Variants in LIN7A observed in about 807,000 individuals in gnomAD.
LIN7A encodes the protein protein lin-7 homolog A.
Under a neutral mutation model 29.8 loss-of-function variants are expected in LIN7A, and 25 were observed. The observed-to-expected ratio is 0.84, with a 90% CI of 0.61 to 1.17. The LOEUF (loss-of-function observed/expected upper bound fraction) is 1.17. Ranked by LOEUF, LIN7A falls within the 50% of genes most tolerant of loss-of-function variation. LIN7A has a pLI of 0.00. For synonymous variants in LIN7A, 118 were observed against 107.5 expected (o/e 1.10, Z -0.60); for missense variants, 239 against 287.0 (o/e 0.83, Z 1.21).
At chr12:80,808,793 C>G (rs924009533) in intron 5 of LIN7A, among the ~76,000 whole-genome samples, 2 of 152,040 alleles carry the variant, frequency 1.3e-5, no homozygotes, top group African/African-American at 2.4e-5. Flanking sequence ...GCGTGAGCCA[C>G]CACGCTTGGC....
intron 2 of LIN7A, among the ~76,000 whole-genome samples, chr12:80,851,149 G>C (rs1274602548): frequency 6.6e-6 from 1 of 152,092 alleles, no homozygotes; most frequent in Non-Finnish European, 1.5e-5. Flanking sequence ...AAACTTGCAG[G>C]TGTTATGAGA....
At chr12:80,919,162 C>T (rs568019701) in intron 1 of LIN7A, among the ~76,000 whole-genome samples, 1 of 152,272 alleles carries the variant, frequency 6.6e-6, no homozygotes, top group East Asian at 1.9e-4. Context: ...CTGAGATGTA[C>T]AAATAAGCAC....
rs1565883797 is a variant in LIN7A at position 80,807,076 on chromosome 12, T to TTTTTTTGTTTGTTTG, written c.*4388_*4389insCAAACAAACAAAAAA. On this transcript the variant is annotated intron_variant, in intron 5 of 5. Coordinates refer to ENST00000552864, the MANE Select transcript of LIN7A (RefSeq NM_004664.4). Reference sequence around the variant, plus strand: ...AATGAAGATGGAGTTTTTTTTTTTTTTTTTTTTTTTTTTTTGACGGAGTCT... The same window carrying TTTTTTTGTTTGTTTG: ...AATGAAGATGGAGTTTTTTTTTTTTTTTTTTTGTTTGTTTGTTTTTTTTTTTTTTTGACGGAGTCT... 8.7e-5 allele frequency among the ~76,000 whole-genome samples: 11 copies of TTTTTTTGTTTGTTTG among 126,042 alleles called. 1 individual carries two copies. The highest frequency in any genetic ancestry group is 1.8e-4 in the Non-Finnish European group (11 of 61,630). 82.7% of individuals were successfully genotyped at this position (126,042 alleles called of 152,430 possible).
chr12:80,824,580 AATATCCT>A (rs1046730055), intron 4 of LIN7A, among the ~76,000 whole-genome samples: 3 of 152,202 alleles, frequency 2.0e-5, no homozygotes, highest in African/African-American at 7.2e-5. Context: ...ACTACAGACC[AATATCCT>A]TGATGAACAT....
At chr12:80,825,550 G>A (rs1872022480) in intron 4 of LIN7A, among the ~76,000 whole-genome samples, 1 of 152,218 alleles carries the variant, frequency 6.6e-6, no homozygotes, top group African/African-American at 2.4e-5. Flanking sequence ...CTGTTACAGT[G>A]ATGGAAACAG....
chr12:80,895,928 T>G (rs1350913770), intron 1 of LIN7A, among the ~76,000 whole-genome samples: 1 of 152,194 alleles, frequency 6.6e-6, no homozygotes, highest in Non-Finnish European at 1.5e-5. Context: ...AACCCATGAT[T>G]CTTGTCTGTG....
chr12:80,895,337 C>G lies in LIN7A; in HGVS notation c.83-5968G>C, dbSNP rs989861403. On this transcript the variant is annotated intron_variant, in intron 1 of 5. Coordinates refer to ENST00000552864, the MANE Select transcript of LIN7A (RefSeq NM_004664.4). ...TTAGAATTTAAAAGGGATGAGCTTA[C>G]AGTGATCTAAAGGAGTTCAATTATT... Among the ~76,000 whole-genome samples the G allele has an allele frequency of 3.3e-5, 5 of 152,294 alleles. No homozygotes were observed. In the East Asian group the frequency reaches 7.7e-4, roughly 23 times the overall value.
intron 2 of LIN7A, among the ~76,000 whole-genome samples, chr12:80,856,753 T>C (rs1465799722): frequency 6.6e-6 from 1 of 152,160 alleles, no homozygotes; most frequent in Non-Finnish European, 1.5e-5. Context: ...TCAGCCTACC[T>C]CTAGAGCCTA....
chr12:80,921,895 C>A (rs949860208), intron 1 of LIN7A, among the ~76,000 whole-genome samples: 1 of 152,170 alleles, frequency 6.6e-6, no homozygotes, highest in Admixed American at 6.5e-5. Context: ...TCAAACTCAG[C>A]TAAGTAGGAT....
At chr12:80,870,725 C>G (rs1024381013) in intron 2 of LIN7A, among the ~76,000 whole-genome samples, 4 of 152,156 alleles carry the variant, frequency 2.6e-5, no homozygotes, top group African/African-American at 9.7e-5. Flanking sequence ...AACTGTTGAG[C>G]CAAGACTATC....
chr12:80,844,406 A>C (rs1381529993), intron 4 of LIN7A, among the ~76,000 whole-genome samples: 3 of 152,224 alleles, frequency 2.0e-5, no homozygotes, highest in Non-Finnish European at 4.4e-5. Context: ...AGTCAGTCTA[A>C]AAATAAGAAA....
rs370465323 is a variant in LIN7A, at chr12:80,854,485, C to CAAAAAAAAAAAAAAA, written c.202-6164_202-6163insTTTTTTTTTTTTTTT. Among the ~76,000 whole-genome samples, 4 of 37,110 alleles carry CAAAAAAAAAAAAAAA rather than the reference C, an allele frequency of 1.1e-4. 2 individuals carry two copies. The allele number at this position is 37,110 out of a possible 152,430, so 24.3% of individuals were successfully genotyped here. The stretch of plus-strand genomic sequence containing the variant: ...TGAATCTGAAATGCATGTTGCTAAG[C>CAAAAAAAAAAAAAAA]CAAAAAAAAAAAAAAAAAAAAAAGC... On this transcript the variant is annotated intron_variant, in intron 2 of 5. Transcript: ENST00000552864.
chr12:80,835,177 A>G (rs2121530437), intron 4 of LIN7A, among the ~76,000 whole-genome samples: 1 of 152,296 alleles, frequency 6.6e-6, no homozygotes. Context: ...TGTTTTTGTA[A>G]ATTAAGGAAA....
chr12:80,811,717 G>A lies in LIN7A; in HGVS notation c.484-34C>T, dbSNP rs553829574. 1.0e-5 allele frequency: 16 copies of A among 1,575,086 alleles called. No homozygotes were observed. In the East Asian group the frequency reaches 1.8e-4, roughly 18 times the overall value. On this transcript the variant is annotated intron_variant, in intron 4 of 5. Transcript: ENST00000552864. Reference sequence around the variant, plus strand: ...ACAATGACACTTCTTAAAGGGAGGAGGTTCAATGTTCTTTTCCCTGGAGAC... The same window carrying A: ...ACAATGACACTTCTTAAAGGGAGGAAGTTCAATGTTCTTTTCCCTGGAGAC...
intron 2 of LIN7A, among the ~76,000 whole-genome samples, chr12:80,887,237 A>G (rs1042265775): frequency 1.3e-5 from 2 of 152,130 alleles, no homozygotes; most frequent in Non-Finnish European, 2.9e-5. Context: ...CAGTGCTGCC[A>G]CCTTTGTCCA....
At chr12:80,906,269 CT>C (rs1183876497) in intron 1 of LIN7A, among the ~76,000 whole-genome samples, 2 of 152,168 alleles carry the variant, frequency 1.3e-5, no homozygotes, top group Non-Finnish European at 2.9e-5. Context: ...GAGAATATTG[CT>C]ATGCCTCTTT....
intron 1 of LIN7A, among the ~76,000 whole-genome samples, chr12:80,905,025 G>A (rs183969861): frequency 3.9e-4 from 59 of 151,396 alleles, no homozygotes; most frequent in African/African-American, 1.1e-3. Context: ...TTTCTTTATC[G>A]TTTGACTAGC....
chr12:80,917,599 T>C (rs1392501180), intron 1 of LIN7A, among the ~76,000 whole-genome samples: 1 of 152,186 alleles, frequency 6.6e-6, no homozygotes, highest in African/African-American at 2.4e-5. Context: ...AGTATCTTTC[T>C]TCAATATTCT....
chr12:80,821,077 C>T (rs938735039), intron 4 of LIN7A, among the ~76,000 whole-genome samples: 3 of 152,242 alleles, frequency 2.0e-5, no homozygotes, highest in African/African-American at 7.2e-5. Flanking sequence ...CACCCCATTA[C>T]AGTTCCACTT....
Sources: allele counts gnomAD v4.1 joint callset (sites outside exome capture counted in the v4.1 genomes callset), GRCh38; gene constraint gnomAD v4.1.1; transcripts MANE v1.5; gene names NCBI Gene and HGNC (gene_info 2026-07-23, HGNC 2026-07-21).